LRBA: variants seen among roughly 807,000 people sequenced by gnomAD.
LRBA encodes LPS responsive beige-like anchor protein, also known as lipopolysaccharide-responsive and beige-like anchor protein.
In LRBA, 176 loss-of-function variants were observed where a neutral mutation model predicts 330.0. That is an observed-to-expected ratio of 0.53 (90% CI 0.47 to 0.60). LRBA has a LOEUF of 0.60. Ranked by LOEUF, LRBA falls within the 20% of genes least tolerant of loss-of-function variation. LRBA has a pLI of 0.00. For synonymous variants in LRBA, 1,230 were observed against 1,193.0 expected (o/e 1.03, Z -0.64); for missense variants, 3,259 against 3,444.8 (o/e 0.95, Z 1.35).
At chr4:150,959,662 G>A (rs899309841) in intron 2 of LRBA, among the ~76,000 whole-genome samples, 3 of 148,490 alleles carry the variant, frequency 2.0e-5, no homozygotes, top group Non-Finnish European at 4.4e-5. Context: ...AGGATAAGAA[G>A]AGAAATGGCT....
intron 34 of LRBA, among the ~76,000 whole-genome samples, chr4:150,780,816 GA>G (rs1378191384): frequency 2.6e-5 from 4 of 151,546 alleles, no homozygotes; most frequent in South Asian, 2.1e-4. Context: ...ACAAGGGGGT[GA>G]GGGGGGGGAA....
chr4:150,991,711 G>A (rs1742104899), intron 2 of LRBA, among the ~76,000 whole-genome samples: 1 of 152,118 alleles, frequency 6.6e-6, no homozygotes, highest in Admixed American at 6.5e-5. Context: ...TTGAGGTGGG[G>A]GAAATATCTC....
In LRBA at chr4:150,685,420, A is replaced by ATT. The variant is rs70941424; in HGVS notation, c.5755-1705_5755-1704dup. 8.0e-4 allele frequency among the ~76,000 whole-genome samples: 14 copies of ATT among 17,438 alleles called. 1 individual carries two copies. Among genetic ancestry groups the ATT allele is most frequent in the African/African-American group, 9.5e-4 (4 of 4,214 alleles). 11.4% of individuals were successfully genotyped at this position (17,438 alleles called of 152,430 possible). On this transcript the variant is annotated intron_variant, in intron 36 of 56. Coordinates refer to ENST00000651943, the MANE Select transcript of LRBA (RefSeq NM_001364905.1). ...TATATATATATATATATATATATATATTTTTTTTTTTTTTTTTTTTTTTTT... is the reference window on the plus strand; with the variant it reads ...TATATATATATATATATATATATATATTTTTTTTTTTTTTTTTTTTTTTTTTT...
At chr4:150,832,231 T>A (rs570598274) in intron 28 of LRBA, among the ~76,000 whole-genome samples, 6 of 152,330 alleles carry the variant, frequency 3.9e-5, no homozygotes, top group Non-Finnish European at 5.9e-5. Context: ...CTCATTTTTT[T>A]AAATTATTCA....
intron 47 of LRBA, among the ~76,000 whole-genome samples, chr4:150,410,223 G>GA (rs887286307): frequency 1.4e-4 from 21 of 151,808 alleles, no homozygotes; most frequent in African/African-American, 4.8e-4. Flanking sequence ...TCCATTCAGA[G>GA]AAAAAAATTA....
At chr4:150,976,174 T>TG (rs1193023313) in intron 2 of LRBA, among the ~76,000 whole-genome samples, 9 of 31,150 alleles carry the variant, frequency 2.9e-4, no homozygotes, top group East Asian at 9.5e-4. Context: ...AACTCCGTCT[T>TG]GAAAAAAAAA....
At chr4:150,359,867 C>T (rs1738427973) in intron 47 of LRBA, among the ~76,000 whole-genome samples, 1 of 151,862 alleles carries the variant, frequency 6.6e-6, no homozygotes, top group Non-Finnish European at 1.5e-5. Flanking sequence ...GTAATCCCAG[C>T]TACTCAGGAG....
chr4:150,527,335 T>G (rs956256030), intron 40 of LRBA, among the ~76,000 whole-genome samples: 4 of 152,152 alleles, frequency 2.6e-5, no homozygotes, highest in African/African-American at 9.7e-5. Flanking sequence ...AGGACATAAT[T>G]TTAAAATTCT....
intron 37 of LRBA, among the ~76,000 whole-genome samples, chr4:150,615,348 C>G (rs1297202729): frequency 1.3e-5 from 2 of 152,178 alleles, no homozygotes; most frequent in Non-Finnish European, 2.9e-5. Flanking sequence ...TTAACGTGAT[C>G]ACTCCAGCTC....
At chr4:150,569,266 G>C (rs1338851784) in intron 40 of LRBA, among the ~76,000 whole-genome samples, 2 of 152,118 alleles carry the variant, frequency 1.3e-5, no homozygotes, top group Non-Finnish European at 1.5e-5. Context: ...AATTGTGTTA[G>C]ATTAGTGACC....
intron 47 of LRBA, among the ~76,000 whole-genome samples, chr4:150,401,673 G>A (rs1745484326): frequency 6.6e-6 from 1 of 152,060 alleles, no homozygotes; most frequent in Admixed American, 6.6e-5. Context: ...TGATATATAT[G>A]GAGAGTAAAT....
intron 34 of LRBA, among the ~76,000 whole-genome samples, chr4:150,794,440 AG>A (rs1237424512): frequency 6.6e-6 from 1 of 151,954 alleles, no homozygotes; most frequent in Non-Finnish European, 1.5e-5. Flanking sequence ...ATTAGAGAAA[AG>A]AAAGTACAGA....
chr4:150,622,688 CTTT>C (rs10528461), intron 37 of LRBA, among the ~76,000 whole-genome samples: 1 of 105,662 alleles, frequency 9.5e-6, no homozygotes, highest in African/African-American at 4.2e-5. Flanking sequence ...CTAAATCAAT[CTTT>C]TTTTTTTTTT....
At chr4:150,932,038 G>A (rs1734561328) in intron 2 of LRBA, among the ~76,000 whole-genome samples, 1 of 152,062 alleles carries the variant, frequency 6.6e-6, no homozygotes, top group African/African-American at 2.4e-5. Context: ...TCATGCCACT[G>A]AGCCCTAGCC....
chr4:150,281,006 GC>G (rs1447928005), intron 55 of LRBA, among the ~76,000 whole-genome samples: 2 of 152,222 alleles, frequency 1.3e-5, no homozygotes, highest in African/African-American at 4.8e-5. Flanking sequence ...TGGCTACAGG[GC>G]AGAGAGGAGA....
In LRBA at chr4:150,735,358, C is replaced by A; in HGVS notation, c.5654G>T (p.Ser1885Ile). The A allele has an allele frequency of 6.2e-7, 1 of 1,605,200 alleles. No homozygotes were observed. The highest frequency in any genetic ancestry group is 8.5e-7 in the Non-Finnish European group (1 of 1,172,172). ...TACTAGATGATCCTTCATTGTCTGGCTAAGCAACCTGTAAGAAATGAATGT... is the reference window on the plus strand; with the variant it reads ...TACTAGATGATCCTTCATTGTCTGGATAAGCAACCTGTAAGAAATGAATGT... ...IELVNEGRLL[S>I]QTMKDHLVRV... Residue 1885 changes from serine (S) to isoleucine (I), a missense_variant, in exon 36 of 57, where the codon AGC (serine) becomes ATC (isoleucine). Coordinates refer to ENST00000651943, the MANE Select transcript of LRBA (RefSeq NM_001364905.1).
chr4:150,786,844 T>C (rs1456893023), intron 34 of LRBA, among the ~76,000 whole-genome samples: 2 of 152,236 alleles, frequency 1.3e-5, no homozygotes, highest in Non-Finnish European at 2.9e-5. Flanking sequence ...TATTCATAAA[T>C]TGGCTCTACC....
chr4:150,396,924 T>G (rs757390164), intron 47 of LRBA, among the ~76,000 whole-genome samples: 2 of 152,332 alleles, frequency 1.3e-5, no homozygotes, highest in Non-Finnish European at 2.9e-5. Context: ...CTACAAAACT[T>G]TATTTGCCAC....
At chr4:150,521,436 G>T (rs983376086) in intron 40 of LRBA, among the ~76,000 whole-genome samples, 1 of 151,852 alleles carries the variant, frequency 6.6e-6, no homozygotes, top group Non-Finnish European at 1.5e-5. Flanking sequence ...CACTTTTATT[G>T]TGGAGATTGG....
Sources: gnomAD v4.1 joint callset for allele counts (sites outside exome capture counted in the v4.1 genomes callset) on GRCh38, gnomAD v4.1.1 for gene constraint, MANE v1.5 for transcripts, NCBI Gene and HGNC (gene_info 2026-07-23, HGNC 2026-07-21) for gene names.